The following ANKS1B variants were observed in gnomAD, a reference collection of about 807,000 sequenced individuals.
ANKS1B encodes the protein ankyrin repeat and sterile alpha motif domain-containing protein 1B.
A neutral mutation model predicts 148.3 loss-of-function variants in ANKS1B; 36 were observed. That is an observed-to-expected ratio of 0.24 (90% CI 0.19 to 0.32). ANKS1B has a LOEUF of 0.32. ANKS1B is among the 10% of genes least tolerant of loss of function. The pLI is 1.00. For missense variants in ANKS1B, 1,157 were observed against 1,542.6 expected (o/e 0.75, Z 4.19); for synonymous variants, 542 against 560.8 (o/e 0.97, Z 0.47).
chr12:99,271,391 A>C (rs1340251819), intron 12 of ANKS1B, among the ~76,000 whole-genome samples: 1 of 152,036 alleles, frequency 6.6e-6, no homozygotes, highest in Non-Finnish European at 1.5e-5. Flanking sequence ...ATTCTGTAAA[A>C]ACGTTTTGTT....
chr12:98,987,746 G>A (rs908850444), intron 17 of ANKS1B, among the ~76,000 whole-genome samples: 2 of 152,220 alleles, frequency 1.3e-5, no homozygotes, highest in Non-Finnish European at 2.9e-5. Context: ...GGGACCCTTT[G>A]CAGTTAGAAC....
chr12:99,647,789 G>A (rs184743660), intron 9 of ANKS1B: 12 of 214,982 alleles, frequency 5.6e-5, no homozygotes, highest in Non-Finnish European at 1.0e-4. Flanking sequence ...AAGAGCAGTG[G>A]GATTGCCAGT....
intron 14 of ANKS1B, among the ~76,000 whole-genome samples, chr12:99,191,389 T>C (rs1233657097): frequency 2.0e-5 from 3 of 152,174 alleles, no homozygotes; most frequent in African/African-American, 7.2e-5. Context: ...TAAAGACACA[T>C]GCACACGTGT....
intron 12 of ANKS1B, among the ~76,000 whole-genome samples, chr12:99,273,950 T>C (rs1210150840): frequency 6.6e-6 from 1 of 151,926 alleles, no homozygotes. Flanking sequence ...CCTGAGACAA[T>C]TCTTTGTCCA....
chr12:98,914,297 C>T (rs1278110347), intron 17 of ANKS1B, among the ~76,000 whole-genome samples: 1 of 152,148 alleles, frequency 6.6e-6, no homozygotes, highest in Non-Finnish European at 1.5e-5. Context: ...TCAGGAGAAG[C>T]ACATGCCAGC....
intron 14 of ANKS1B, chr12:99,154,787 T>C (rs962121562): frequency 6.9e-7 from 1 of 1,450,620 alleles, no homozygotes; most frequent in African/African-American, 1.4e-5. Context: ...GCCAGAATTC[T>C]TTTTTATCAA....
intron 17 of ANKS1B, among the ~76,000 whole-genome samples, chr12:99,009,001 T>C (rs1199315450): frequency 6.6e-6 from 1 of 152,174 alleles, no homozygotes; most frequent in Non-Finnish European, 1.5e-5. Context: ...GGAGCCTGCA[T>C]GGGCTAGGAA....
At chr12:99,733,452 A>C (rs866805388) in intron 8 of ANKS1B, among the ~76,000 whole-genome samples, 3 of 152,218 alleles carry the variant, frequency 2.0e-5, no homozygotes, top group Admixed American at 6.5e-5. Context: ...TTGTTACAGC[A>C]TTATTATGGC....
Position 99,762,303 on chromosome 12 carries a change from CTACA to C in ANKS1B, c.1128+10615_1128+10618del, listed in dbSNP as rs2062204674. ...CCCAACTTCCAACTATACTATACAG[CTACA>C]ATAACAAATACTTCATGGTACTGGT... is the stretch of plus-strand genomic sequence containing the variant. On this transcript the variant is annotated intron_variant, in intron 8 of 26. Transcript: ENST00000683438. Among the ~76,000 whole-genome samples, 3 of 151,922 alleles carry C rather than the reference CTACA, an allele frequency of 2.0e-5. No homozygotes were observed. The East Asian group carries it at 5.9e-4, about 30-fold the overall frequency.
intron 9 of ANKS1B, among the ~76,000 whole-genome samples, chr12:99,584,261 C>A (rs1228985625): frequency 6.6e-6 from 1 of 152,146 alleles, no homozygotes; most frequent in Non-Finnish European, 1.5e-5. Context: ...TACAATAATG[C>A]ATTTCCAACT....
At chr12:99,137,677 T>C (rs1225367292) in intron 15 of ANKS1B, among the ~76,000 whole-genome samples, 3 of 152,266 alleles carry the variant, frequency 2.0e-5, no homozygotes, top group African/African-American at 7.2e-5. Flanking sequence ...AATGGTGTTA[T>C]GTATTTCCTC....
intron 12 of ANKS1B, among the ~76,000 whole-genome samples, chr12:99,283,423 T>C (rs762773458): frequency 5.9e-5 from 9 of 152,198 alleles, no homozygotes; most frequent in Non-Finnish European, 1.2e-4. Context: ...CTCACTGTTA[T>C]CAGATATTCA....
rs2097768067 is a variant in ANKS1B, at chr12:98,735,337, A to G, written c.*223T>C. On this transcript the variant is annotated 3_prime_UTR_variant, in exon 10 of 10. Coordinates refer to the ANKS1B transcript ENST00000341752. ...GTTTTGAAACTCTTGTATTTATGAT[A>G]TAGCTTATATGATTTTTTTGCCTTG... is the stretch of plus-strand genomic sequence containing the variant. The G allele has an allele frequency of 1.2e-5, 5 of 415,136 alleles. No homozygotes were observed. The East Asian group carries it at 1.7e-4, about 14-fold the overall frequency. The allele number at this position is 415,136 out of a possible 1,614,324, so 25.7% of individuals were successfully genotyped here.
At chr12:99,788,695 A>G (rs1192752968) in intron 4 of ANKS1B, among the ~76,000 whole-genome samples, 1 of 151,676 alleles carries the variant, frequency 6.6e-6, no homozygotes, top group Admixed American at 6.5e-5. Flanking sequence ...GCTCTTGGAC[A>G]ACATTTCTGA....
intron 15 of ANKS1B, among the ~76,000 whole-genome samples, chr12:99,136,905 T>G (rs1242989915): frequency 6.6e-6 from 1 of 152,180 alleles, no homozygotes; most frequent in Non-Finnish European, 1.5e-5. Context: ...GTCCTTGGCA[T>G]CATTGTTCCT....
chr12:98,842,353 T>C (rs1595230745), intron 17 of ANKS1B, among the ~76,000 whole-genome samples: 1 of 152,192 alleles, frequency 6.6e-6, no homozygotes, highest in Non-Finnish European at 1.5e-5. Context: ...TAGGATTCCA[T>C]TTACATGAGT....
chr12:99,474,163 A>T (rs896178434), intron 10 of ANKS1B, among the ~76,000 whole-genome samples: 2 of 152,048 alleles, frequency 1.3e-5, no homozygotes, highest in African/African-American at 4.8e-5. Context: ...AGATTAATCC[A>T]TATATACTGT....
chr12:99,467,960 A>G (rs968777886), intron 10 of ANKS1B, among the ~76,000 whole-genome samples: 2 of 152,226 alleles, frequency 1.3e-5, no homozygotes, highest in African/African-American at 4.8e-5. Flanking sequence ...TATGGAAGCA[A>G]AAAAGAGCCC....
intron 17 of ANKS1B, among the ~76,000 whole-genome samples, chr12:98,948,770 C>A (rs1432843985): frequency 4.8e-5 from 7 of 146,686 alleles, no homozygotes; most frequent in African/African-American, 1.1e-4. Flanking sequence ...CACCCACACC[C>A]CCCCCCACAC....
Sources: allele counts gnomAD v4.1 joint callset (sites outside exome capture counted in the v4.1 genomes callset), GRCh38; gene constraint gnomAD v4.1.1; transcripts MANE v1.5; gene names NCBI Gene and HGNC (gene_info 2026-07-23, HGNC 2026-07-21).